Variants in DYSF observed in about 807,000 individuals in gnomAD.
DYSF encodes the protein dysferlin, also known as dystrophy-associated fer-1-like 1.
A neutral mutation model predicts 274.9 loss-of-function variants in DYSF; 212 were observed. The ratio of observed to expected loss-of-function variants is 0.77; its 90% CI spans 0.69 to 0.86. The LOEUF (loss-of-function observed/expected upper bound fraction) is 0.86. Among genes scored for constraint, DYSF ranks in the 40% least tolerant of loss-of-function variants. The pLI is 0.00. For synonymous variants in DYSF, 1,091 were observed against 1,078.7 expected, an observed-to-expected ratio of 1.01 and a Z score of -0.22; for missense variants, 2,666 against 2,783.2, an observed-to-expected ratio of 0.96 and a Z score of 0.95.
intron 30 of DYSF, among the ~76,000 whole-genome samples, chr2:71,578,318 G>T (rs1313462772): frequency 1.3e-5 from 2 of 152,170 alleles, no homozygotes; most frequent in Non-Finnish European, 2.9e-5. Context: ...GAGAGAGGCA[G>T]AGCATGTGCA....
At chr2:71,680,670 T>C (rs1288858505) in intron 53 of DYSF, among the ~76,000 whole-genome samples, 1 of 152,154 alleles carries the variant, frequency 6.6e-6, no homozygotes, top group Non-Finnish European at 1.5e-5. Flanking sequence ...CATAGTGAAA[T>C]ATATTCCGAA....
At chr2:71,563,433 A>G (rs989242976) in intron 23 of DYSF, among the ~76,000 whole-genome samples, 5 of 152,186 alleles carry the variant, frequency 3.3e-5, no homozygotes, top group African/African-American at 1.2e-4. Flanking sequence ...ACCCTTACCC[A>G]ATCAGCCTGC....
chr2:71,597,124 C>A (rs899378930), intron 32 of DYSF, among the ~76,000 whole-genome samples: 3 of 152,220 alleles, frequency 2.0e-5, no homozygotes, highest in Non-Finnish European at 4.4e-5. Context: ...GAAGCCCTGT[C>A]TCCCCATCCC....
At chr2:71,669,414 A>G (rs971523799) in intron 50 of DYSF, among the ~76,000 whole-genome samples, 191 bp from the exon 51 acceptor site, 3 of 152,130 alleles carry the variant, frequency 2.0e-5, no homozygotes, top group Middle Eastern at 3.2e-3. Flanking sequence ...TTGAACTTAC[A>G]AGTTTAGTGG....
In DYSF at chr2:71,620,556, G is replaced by A. The variant is rs766512164; in HGVS notation, c.4474G>A (p.Gly1492Ser). ...CATGTTTCATTTGTAGCTTGCAGAC[G>A]GTCTGTCGAGCTTGGCCCCCACTAA... is the stretch of plus-strand genomic sequence containing the variant. ...EPLIPIQLAD[G>S]LSSLAPTNTA... Residue 1492 changes from glycine (G) to serine (S), a missense_variant, in exon 41 of 56, where the codon GGT (glycine) becomes AGT (serine). Coordinates refer to ENST00000410020, the MANE Select transcript of DYSF (RefSeq NM_001130987.2). 1.8e-4 allele frequency: 283 copies of A among 1,551,562 alleles called. No individual in the cohort carries two copies. Among genetic ancestry groups the A allele is most frequent in the African/African-American group, 2.9e-4 (21 of 73,018 alleles).
chr2:71,525,141 G>A (rs1317102378), intron 12 of DYSF, among the ~76,000 whole-genome samples: 1 of 152,018 alleles, frequency 6.6e-6, no homozygotes, highest in Non-Finnish European at 1.5e-5. Context: ...TGCTGCATGG[G>A]TACTCTCTCC....
At chr2:71,618,280 GTAGAGGTGTGTGTGT>G (rs2093970070) in intron 40 of DYSF, among the ~76,000 whole-genome samples, 1 of 62,592 alleles carries the variant, frequency 1.6e-5, no homozygotes, top group African/African-American at 4.7e-5. Flanking sequence ...TGTGTGTGTG[GTAGAGGTGTGTGTGT>G]GGTAGAGGTG....
chr2:71,523,796 C>T (rs187877443), intron 12 of DYSF, among the ~76,000 whole-genome samples: 245 of 152,234 alleles, frequency 1.6e-3, no homozygotes, highest in African/African-American at 5.7e-3. Context: ...CCACTCGCCT[C>T]GGCCTCCCAA....
chr2:71,660,714 G>C, intron 45 of DYSF, 63 bp downstream of exon 45: 1 of 1,408,706 alleles, frequency 7.1e-7, no homozygotes, highest in Non-Finnish European at 1.0e-6. Context: ...ACAGTCTAGT[G>C]GGGGAGATGT....
rs115195952 is a variant in DYSF, at chr2:71,603,276, C to T, written c.3957+471C>T. On this transcript the variant is annotated intron_variant, in intron 36 of 55. Transcript: ENST00000410020. The stretch of plus-strand genomic sequence containing the variant: ...GTCCTGGCTGGTTTGGGGGATGGGG[C>T]GAGCTGGGGACCTCCTAGGGACGGG... Among the ~76,000 whole-genome samples the T allele has an allele frequency of 3.8e-3, 578 of 152,018 alleles. 5 individuals carry two copies. Among genetic ancestry groups the T allele is most frequent in the African/African-American group, 0.013 (535 of 41,482 alleles).
chr2:71,601,664 G>C, intron 35 of DYSF, 136 bp downstream of exon 35: 1 of 1,182,056 alleles, frequency 8.5e-7, no homozygotes, highest in Non-Finnish European at 1.2e-6. Context: ...CTTTCAAGCA[G>C]AGGAGGGCCC....
In DYSF at chr2:71,570,689, G is replaced by T. The variant is rs754763074; in HGVS notation, c.3176G>T (p.Arg1059Leu). 3.1e-6 allele frequency: 5 copies of T among 1,614,030 alleles called. No homozygotes were observed. Among genetic ancestry groups the T allele is most frequent in the East Asian group, 2.2e-5 (1 of 44,884 alleles). The change falls in exon 29 of 56, where the codon CGC becomes CTC. Residue 1059 changes from arginine to leucine, a missense_variant. Arg to Leu is a moderately radical substitution (Grantham distance 102). Transcript: ENST00000410020. ...ATGTACTACACACACCGACGGCGGC[G>T]CTGGGTGCGCCTGCGCAGGAGGGAT... ...EKMYYTHRRR[R>L]WVRLRRRDLS...
upstream of DYSF, among the ~76,000 whole-genome samples, chr2:71,461,992 A>G (rs1391114468): frequency 6.6e-6 from 1 of 152,224 alleles, no homozygotes; most frequent in Non-Finnish European, 1.5e-5. Flanking sequence ...CATATAGACT[A>G]TACAACTCTG....
At chr2:71,661,116 CAAAA>C (rs55761719) in intron 45 of DYSF, among the ~76,000 whole-genome samples, 6 of 85,934 alleles carry the variant, frequency 7.0e-5, no homozygotes, top group Admixed American at 1.3e-4. Flanking sequence ...AACCCTGTCT[CAAAA>C]AAAAAAAAAA....
chr2:71,569,088 A>C (rs2092283187), intron 26 of DYSF, among the ~76,000 whole-genome samples: 1 of 150,758 alleles, frequency 6.6e-6, no homozygotes, highest in South Asian at 2.1e-4. Context: ...GTTAGCCAGG[A>C]TGGTCTCGAT....
chr2:71,610,952 C>T, intron 36 of DYSF: 3 of 463,112 alleles, frequency 6.5e-6, no homozygotes, highest in South Asian at 6.0e-5. Flanking sequence ...CGGAGCAGCT[C>T]AGGGGGCATC....
In DYSF at chr2:71,680,728, A is replaced by G. The variant is rs59587819; in HGVS notation, c.6064-273A>G. Among the ~76,000 whole-genome samples the G allele has an allele frequency of 0.021, 3,244 of 152,368 alleles. 114 individuals are homozygous for G. The highest frequency in any genetic ancestry group is 0.073 in the African/African-American group (3,050 of 41,580). ...CTGTATATGCACAGTGTGACATTTC[A>G]TAAGCTTGCAGAGAAAATCAGCTAT... On this transcript the variant is annotated intron_variant, in intron 53 of 55. Coordinates refer to ENST00000410020, the MANE Select transcript of DYSF (RefSeq NM_001130987.2).
intron 4 of DYSF, among the ~76,000 whole-genome samples, chr2:71,511,461 G>A (rs183021049): frequency 3.3e-5 from 5 of 152,298 alleles, no homozygotes; most frequent in South Asian, 2.1e-4. Context: ...AGTCCACTAC[G>A]TGCTACATCA....
In DYSF at chr2:71,553,089, A is replaced by T. The variant is rs779146618; in HGVS notation, c.1885A>T (p.Ile629Phe). 1.2e-6 allele frequency: 2 copies of T among 1,614,154 alleles called. No individual in the cohort carries two copies. The highest frequency in any genetic ancestry group is 2.2e-5 in the South Asian group (2 of 91,074). Reference protein sequence around the residue: ...ATMLQDVDDAIQFEVSIGNYG... With the variant: ...ATMLQDVDDAFQFEVSIGNYG... ...CATGCTGCAGGATGTGGATGATGCC[A>T]TCCAGTTTGAGGTCAGCATCGGGAA... Residue 629 changes from isoleucine (I) to phenylalanine (F), a missense_variant, in exon 20 of 56, where the codon ATC (isoleucine) becomes TTC (phenylalanine). By Grantham distance (21) the Ile-to-Phe change is conservative (BLOSUM62 0). This residue lies in a region of DYSF where 412 missense variants were observed against 504.0 expected (regional missense o/e 0.82). Transcript: ENST00000410020.
Sources: gnomAD v4.1 joint callset for allele counts (sites outside exome capture counted in the v4.1 genomes callset) on GRCh38, gnomAD v4.1.1 for gene constraint, gnomAD v4.1.1 regional missense constraint, MANE v1.5 for transcripts, NCBI Gene and HGNC (gene_info 2026-07-23, HGNC 2026-07-21) for gene names.